Variants in TMOD3 observed in about 807,000 individuals in gnomAD.
The protein encoded by TMOD3 is tropomodulin-3.
A neutral mutation model predicts 39.2 loss-of-function variants in TMOD3; 20 were observed. That is an observed-to-expected ratio of 0.51 (90% CI 0.36 to 0.74). The LOEUF is 0.74. Ranked by LOEUF, TMOD3 falls within the 30% of genes least tolerant of loss-of-function variation. The pLI is 0.00. For missense variants in TMOD3, 381 were observed against 412.8 expected (o/e 0.92, Z 0.67); for synonymous variants, 143 against 145.8 (o/e 0.98, Z 0.14).
chr15:51,846,317 T>TCAAAA lies in TMOD3; in HGVS notation c.-74-16468_-74-16464dup, dbSNP rs375578220. 9.7e-3 allele frequency among the ~76,000 whole-genome samples: 1,474 copies of TCAAAA among 151,998 alleles called. 38 individuals carry two copies. The highest frequency in any genetic ancestry group is 0.073 in the East Asian group (375 of 5,150). On this transcript the variant is annotated intron_variant, in intron 1 of 9. Transcript: ENST00000308580. ...CTACACTTTAGCCTGGGTAACAGGCTCAAAACAAAACAAAACAAAACAAAA... is the reference window on the plus strand; with the variant it reads ...CTACACTTTAGCCTGGGTAACAGGCTCAAAACAAAACAAAACAAAACAAAACAAAA...
intron 6 of TMOD3, among the ~76,000 whole-genome samples, chr15:51,895,689 G>A (rs1425793866): frequency 6.6e-6 from 1 of 152,106 alleles, no homozygotes; most frequent in African/African-American, 2.4e-5. Context: ...ATCTCTCTTA[G>A]TGCTTTGTAG....
At chr15:51,897,793 A>AC (rs1353442925) in intron 7 of TMOD3, among the ~76,000 whole-genome samples, 2 of 150,914 alleles carry the variant, frequency 1.3e-5, no homozygotes, top group African/African-American at 2.4e-5. Flanking sequence ...AAAAAAAAAA[A>AC]AAAAACAAAA....
intron 7 of TMOD3, among the ~76,000 whole-genome samples, chr15:51,896,785 A>C (rs1172356390): frequency 6.6e-6 from 1 of 151,554 alleles, no homozygotes; most frequent in Non-Finnish European, 1.5e-5. Context: ...GCTGTTCTGC[A>C]ACTTGATTTT....
rs1477763714 is a variant in TMOD3 at position 51,911,415 on chromosome 15, G to A, written c.*2605G>A. 2.0e-5 allele frequency: 3 copies of A among 152,182 alleles called. No homozygotes were observed. In the South Asian group the frequency reaches 6.2e-4, roughly 32 times the overall value. 9.4% of individuals were successfully genotyped at this position (152,182 alleles called of 1,614,324 possible). On this transcript the variant is annotated 3_prime_UTR_variant, in exon 10 of 10. Coordinates refer to ENST00000308580, the MANE Select transcript of TMOD3 (RefSeq NM_014547.5). ...ATTAAATATGAACATTCATCCAATT[G>A]AATTTACAAAATCTTTCCAAAATTA...
intron 3 of TMOD3, among the ~76,000 whole-genome samples, chr15:51,886,405 C>T (rs865845732): frequency 3.3e-5 from 5 of 152,262 alleles, no homozygotes; most frequent in African/African-American, 7.2e-5. Flanking sequence ...GAGACTCCGT[C>T]TGCAATCCCG....
intron 1 of TMOD3, among the ~76,000 whole-genome samples, chr15:51,850,717 G>A (rs990291647): frequency 6.6e-6 from 1 of 151,988 alleles, no homozygotes; most frequent in Non-Finnish European, 1.5e-5. Flanking sequence ...GTGAGGAGTA[G>A]GAAGAGTTAG....
At chr15:51,832,753 T>C (rs1484972493) in intron 1 of TMOD3, among the ~76,000 whole-genome samples, 1 of 152,034 alleles carries the variant, frequency 6.6e-6, no homozygotes, top group African/African-American at 2.4e-5. Context: ...TATACCTGGA[T>C]AGAGGGAGGG....
At chr15:51,876,228 G>T (rs538934811) in intron 3 of TMOD3, among the ~76,000 whole-genome samples, 1 of 152,242 alleles carries the variant, frequency 6.6e-6, no homozygotes, top group Non-Finnish European at 1.5e-5. Context: ...GAGAGCGGTG[G>T]CATGATCACA....
At chr15:51,884,889 T>C (rs1434541840) in intron 3 of TMOD3, among the ~76,000 whole-genome samples, 2 of 152,202 alleles carry the variant, frequency 1.3e-5, no homozygotes, top group African/African-American at 4.8e-5. Context: ...AGTGAGATAA[T>C]AAAACTTCAT....
intron 1 of TMOD3, among the ~76,000 whole-genome samples, chr15:51,857,398 G>GTA (rs762710487): frequency 7.2e-4 from 110 of 152,242 alleles, no homozygotes; most frequent in Middle Eastern, 3.4e-3. Flanking sequence ...CAAGCTTTGT[G>GTA]TAGTAGATTT....
chr15:51,849,788 G>A (rs932525853), intron 1 of TMOD3, among the ~76,000 whole-genome samples: 1 of 152,112 alleles, frequency 6.6e-6, no homozygotes, highest in African/African-American at 2.4e-5. Flanking sequence ...AAAAAAATTA[G>A]CCAGGCATGG....
At chr15:51,846,253 C>T (rs1003596525) in intron 1 of TMOD3, among the ~76,000 whole-genome samples, 20 of 152,074 alleles carry the variant, frequency 1.3e-4, no homozygotes, top group African/African-American at 4.3e-4. Flanking sequence ...ATTGCTTGAG[C>T]CCGGGAGTTT....
At chr15:51,836,618 G>A (rs1216550197) in intron 1 of TMOD3, among the ~76,000 whole-genome samples, 4 of 151,776 alleles carry the variant, frequency 2.6e-5, no homozygotes, top group East Asian at 1.9e-4. Context: ...CCAGCTACCC[G>A]GGAGGCTGAG....
At chr15:51,840,166 T>C (rs1276143811) in intron 1 of TMOD3, among the ~76,000 whole-genome samples, 1 of 152,212 alleles carries the variant, frequency 6.6e-6, no homozygotes, top group East Asian at 1.9e-4. Flanking sequence ...TAAATATTGA[T>C]AGAAGTGTGG....
intron 1 of TMOD3, chr15:51,858,314 A>C (rs1225855918): frequency 6.6e-6 from 1 of 152,294 alleles, no homozygotes; most frequent in Non-Finnish European, 1.5e-5. Context: ...TCAGCCTCCC[A>C]AAGTGTTGGG....
intron 7 of TMOD3, 115 bp from the exon 8 acceptor site, chr15:51,900,040 A>G (rs1342693992): frequency 9.6e-7 from 1 of 1,043,044 alleles, no homozygotes; most frequent in African/African-American, 1.6e-5. Context: ...GTCAAACTGA[A>G]ACAACTAATG....
intron 3 of TMOD3, among the ~76,000 whole-genome samples, chr15:51,874,457 A>G (rs1454775609): frequency 6.6e-6 from 1 of 152,228 alleles, no homozygotes; most frequent in Non-Finnish European, 1.5e-5. Flanking sequence ...ATTTTGCAGA[A>G]TGTATAACTG....
At chr15:51,830,493 C>T (rs1191167125) in intron 1 of TMOD3, among the ~76,000 whole-genome samples, 5 of 152,148 alleles carry the variant, frequency 3.3e-5, no homozygotes, top group Non-Finnish European at 7.4e-5. Flanking sequence ...TGATTACAAA[C>T]AGAAATGGGA....
chr15:51,872,255 T>C (rs1372050342), intron 3 of TMOD3, among the ~76,000 whole-genome samples: 1 of 152,098 alleles, frequency 6.6e-6, no homozygotes, highest in African/African-American at 2.4e-5. Context: ...TAGCTGGGCA[T>C]GGTGGCATGC....
Sources: gnomAD v4.1 joint callset for allele counts (sites outside exome capture counted in the v4.1 genomes callset) on GRCh38, gnomAD v4.1.1 for gene constraint, MANE v1.5 for transcripts, NCBI Gene and HGNC (gene_info 2026-07-23, HGNC 2026-07-21) for gene names.